The following NBAS variants were observed in gnomAD, a reference collection of about 807,000 sequenced individuals.
NBAS encodes the protein NBAS subunit of NRZ tethering complex.
A neutral mutation model predicts 302.5 loss-of-function variants in NBAS; 219 were observed. The ratio of observed to expected loss-of-function variants is 0.72; its 90% CI spans 0.65 to 0.81. NBAS has a LOEUF of 0.81. NBAS is among the 30% of genes least tolerant of loss of function. NBAS has a pLI of 0.00. For missense variants in NBAS, 2,932 were observed against 2,841.6 expected, an observed-to-expected ratio of 1.03 and a Z score of -0.72; for synonymous variants, 1,118 against 1,021.6, an observed-to-expected ratio of 1.09 and a Z score of -1.80.
the NBAS span, among the ~76,000 whole-genome samples, chr2:15,042,677 G>A: frequency 4.6e-5 from 7 of 152,144 alleles, no homozygotes; most frequent in East Asian, 5.8e-4. Flanking sequence ...TTTCTTAGAG[G>A]AGAAATCATT....
intron 9 of NBAS, among the ~76,000 whole-genome samples, chr2:15,527,423 C>T (rs1572971020): frequency 1.3e-5 from 2 of 152,134 alleles, no homozygotes; most frequent in South Asian, 4.1e-4. Flanking sequence ...TCTCACAGTT[C>T]TGAAGACTGG....
In NBAS at chr2:15,185,035, A is replaced by C. The variant is rs978861142; in HGVS notation, c.6711+1707T>G. On this transcript the variant is annotated intron_variant, in intron 50 of 51. Coordinates refer to ENST00000281513, the MANE Select transcript of NBAS (RefSeq NM_015909.4). ...ACAGTAACATTTATACAATTGTATG[A>C]GAGACATTCAATATTCATGTATCTC... Among the ~76,000 whole-genome samples the C allele has an allele frequency of 3.9e-5, 6 of 152,228 alleles. No homozygotes were observed. In the East Asian group the frequency reaches 1.2e-3, roughly 29 times the overall value.
At chr2:15,367,884 A>T (rs950316761) in intron 31 of NBAS, among the ~76,000 whole-genome samples, 6 of 152,258 alleles carry the variant, frequency 3.9e-5, no homozygotes, top group African/African-American at 1.4e-4. Context: ...AGGTTAACAG[A>T]TGATTAATAA....
the NBAS span, among the ~76,000 whole-genome samples, chr2:15,103,214 G>A: frequency 6.6e-6 from 1 of 152,022 alleles, no homozygotes; most frequent in Non-Finnish European, 1.5e-5. Flanking sequence ...CCTGGGTCTA[G>A]AATGTCCTTC....
At chr2:15,417,167 C>A (rs1676983667) in intron 24 of NBAS, among the ~76,000 whole-genome samples, 2 of 152,108 alleles carry the variant, frequency 1.3e-5, no homozygotes, top group South Asian at 4.2e-4. Flanking sequence ...TCCTCTTAAC[C>A]CTGATACTTT....
At chr2:15,516,869 A>G (rs1662417467) in intron 9 of NBAS, among the ~76,000 whole-genome samples, 2 of 152,210 alleles carry the variant, frequency 1.3e-5, no homozygotes, top group African/African-American at 4.8e-5. Flanking sequence ...AATCACAAAA[A>G]AAGAAATCCA....
the NBAS span, among the ~76,000 whole-genome samples, chr2:15,035,115 G>GTT: frequency 1.6e-4 from 23 of 145,188 alleles, no homozygotes; most frequent in South Asian, 6.4e-4. Flanking sequence ...GGGAGTGTGG[G>GTT]GTTTTTTTTT....
At chr2:14,791,458 G>C in the NBAS span, among the ~76,000 whole-genome samples, 2 of 152,052 alleles carry the variant, frequency 1.3e-5, no homozygotes, top group Admixed American at 6.6e-5. Context: ...GAATTCACTG[G>C]GTGTAAAATT....
At chr2:15,002,958 T>C in the NBAS span, among the ~76,000 whole-genome samples, 1 of 152,238 alleles carries the variant, frequency 6.6e-6, no homozygotes, top group Non-Finnish European at 1.5e-5. Flanking sequence ...GGCTCCGGCC[T>C]TGGCCAGCCC....
chr2:15,351,924 G>C, intron 35 of NBAS, 68 bp downstream of exon 35: 1 of 1,154,662 alleles, frequency 8.7e-7, no homozygotes, highest in Non-Finnish European at 1.3e-6. Context: ...TCATCCACAA[G>C]GTTAGGTAAT....
Position 15,427,751 on chromosome 2 carries a change from T to C in NBAS, c.2383A>G (p.Lys795Glu), listed in dbSNP as rs759098568. 5 of 1,613,584 alleles carry C rather than the reference T, an allele frequency of 3.1e-6. No individual in the cohort carries two copies. The highest frequency in any genetic ancestry group is 4.2e-6 in the Non-Finnish European group (5 of 1,179,800). The change falls in exon 22 of 52, where the codon AAA (lysine) becomes GAA (glutamate). Residue 795 changes from lysine to glutamate, a missense_variant. Coordinates refer to ENST00000281513, the MANE Select transcript of NBAS (RefSeq NM_015909.4). ...TCGCACCAATCTTTAGCTCGGTGTT[T>C]ATGTTCATGCCAAGGAATGATCATC... ...SLMIIPWHEH[K>E]HRAKDWCEEL... is the part of the protein sequence containing the mutation.
chr2:15,395,278 C>T (rs1675814640), intron 27 of NBAS, among the ~76,000 whole-genome samples: 1 of 152,030 alleles, frequency 6.6e-6, no homozygotes, highest in South Asian at 2.1e-4. Flanking sequence ...GCTATCTCTT[C>T]TCAATTTTAC....
chr2:15,267,215 A>T (rs1669118066), intron 44 of NBAS, among the ~76,000 whole-genome samples: 1 of 152,224 alleles, frequency 6.6e-6, no homozygotes, highest in Admixed American at 6.5e-5. Flanking sequence ...GCTTCAATAA[A>T]CTATGAGCTT....
At chr2:15,419,766 C>CAATGTGGAA (rs1323672158) in intron 23 of NBAS, among the ~76,000 whole-genome samples, 2 of 151,942 alleles carry the variant, frequency 1.3e-5, no homozygotes, top group South Asian at 4.2e-4. Flanking sequence ...GGCTGGAGTG[C>CAATGTGGAA]AATGGTGCGA....
At position 15,394,357 on chromosome 2, in the gene NBAS, T is replaced by C. The variant is rs373914055; in HGVS notation, c.3135-8A>G. On this transcript the variant is annotated splice_region_variant and splice_polypyrimidine_tract_variant and intron_variant, in intron 27 of 51. Transcript: ENST00000281513. ...TCCAAAAGCTCTGACACACTATAAG[T>C]GAAAAAAGAATTATTTAATGTCTTG... 4.0e-4 allele frequency: 637 copies of C among 1,612,112 alleles called. No individual in the cohort carries two copies. Among genetic ancestry groups the C allele is most frequent in the Non-Finnish European group, 4.8e-4 (566 of 1,178,766 alleles).
At chr2:15,120,855 T>A in the NBAS span, among the ~76,000 whole-genome samples, 69 of 152,228 alleles carry the variant, frequency 4.5e-4, no homozygotes, top group Non-Finnish European at 9.0e-4. Flanking sequence ...GCTGCAGGCA[T>A]CCTTGGAGAT....
chr2:15,190,387 A>T lies in NBAS; in HGVS notation c.6449T>A (p.Ile2150Asn). 1 of 1,613,954 alleles carries T rather than the reference A, an allele frequency of 6.2e-7. No homozygotes were observed. Among genetic ancestry groups the T allele is most frequent in the Non-Finnish European group, 8.5e-7 (1 of 1,179,900 alleles). Residue 2150 changes from isoleucine to asparagine, a missense_variant, in exon 49 of 52, where the codon ATT becomes AAT. Physicochemically the swap from Ile to Asn is moderately radical, Grantham distance 149 (BLOSUM62 -3). Coordinates refer to ENST00000281513, the MANE Select transcript of NBAS (RefSeq NM_015909.4). ...WPQRQVDIAD[I>N]ENEENRYCLF... ...ACAGTAGCGGTTCTCTTCATTCTCA[A>T]TGTCAGCTATGTCTACCTGGAAGAA...
At chr2:15,055,519 A>G in the NBAS span, among the ~76,000 whole-genome samples, 4 of 152,132 alleles carry the variant, frequency 2.6e-5, no homozygotes, top group East Asian at 7.7e-4. Flanking sequence ...GGGGGCTGGA[A>G]GAGCTGCAGT....
the NBAS span, among the ~76,000 whole-genome samples, chr2:14,945,007 A>C: frequency 6.6e-6 from 1 of 152,340 alleles, no homozygotes; most frequent in South Asian, 2.1e-4. Context: ...CAAAGTGAAG[A>C]GGGAGGGCGA....
Sources: gnomAD v4.1 joint callset for allele counts (sites outside exome capture counted in the v4.1 genomes callset) on GRCh38, gnomAD v4.1.1 for gene constraint, MANE v1.5 for transcripts, NCBI Gene and HGNC (gene_info 2026-07-23, HGNC 2026-07-21) for gene names.